Variants in KALRN observed in about 807,000 individuals in gnomAD.
KALRN encodes kalirin RhoGEF kinase, also known as kalirin.
Under a neutral mutation model 353.7 loss-of-function variants are expected in KALRN, and 70 were observed. The ratio of observed to expected loss-of-function variants is 0.20; its 90% confidence interval spans 0.16 to 0.24. The LOEUF is 0.24. Among genes scored for constraint, KALRN ranks in the 10% least tolerant of loss-of-function variants. The pLI is 1.00. For missense variants in KALRN, 2,791 were observed against 3,756.7 expected (o/e 0.74, Z 6.72); for synonymous variants, 1,391 against 1,434.8 (o/e 0.97, Z 0.69).
intron 9 of KALRN, among the ~76,000 whole-genome samples, chr3:124,341,843 G>T (rs2081758018): frequency 6.6e-6 from 1 of 152,202 alleles, no homozygotes; most frequent in Non-Finnish European, 1.5e-5. Context: ...ACGAGTTAAG[G>T]CTTTCCATAG....
At chr3:124,541,810 T>G (rs1479148135) in intron 33 of KALRN, among the ~76,000 whole-genome samples, 3 of 151,956 alleles carry the variant, frequency 2.0e-5, no homozygotes, top group Non-Finnish European at 4.4e-5. Context: ...GAGAATTGCT[T>G]GAACCCAGGA....
intron 1 of KALRN, among the ~76,000 whole-genome samples, chr3:124,156,783 G>T (rs770213663): frequency 1.6e-4 from 25 of 152,144 alleles, no homozygotes; most frequent in Non-Finnish European, 3.4e-4. Flanking sequence ...ATAAAACAAT[G>T]ACATGGAGTT....
chr3:124,600,450 C>T (rs574254511), intron 34 of KALRN, among the ~76,000 whole-genome samples: 1 of 152,272 alleles, frequency 6.6e-6, no homozygotes, highest in South Asian at 2.1e-4. Flanking sequence ...TCAATGGGTA[C>T]GTATTTCAAA....
chr3:124,220,051 TCTC>T (rs552281521), intron 1 of KALRN, among the ~76,000 whole-genome samples: 36 of 152,056 alleles, frequency 2.4e-4, no homozygotes, highest in Non-Finnish European at 4.0e-4. Context: ...TTCAAGCACT[TCTC>T]CTGCCTCAGC....
intron 11 of KALRN, 21 bp from the exon 12 acceptor site, chr3:124,395,114 A>G (rs2089987507): frequency 1.3e-6 from 2 of 1,595,304 alleles, no homozygotes; most frequent in African/African-American, 2.7e-5. Flanking sequence ...CCTGAGTGGA[A>G]TCTCTGCTCT....
chr3:124,622,430 TG>T (rs1009145984), intron 34 of KALRN, among the ~76,000 whole-genome samples: 2 of 152,234 alleles, frequency 1.3e-5, no homozygotes, highest in Non-Finnish European at 2.9e-5. Flanking sequence ...GACATGCCTT[TG>T]GGGTGTGCTT....
At chr3:124,406,875 A>C in intron 13 of KALRN, among the ~76,000 whole-genome samples, 1 of 132,372 alleles carries the variant, frequency 7.6e-6, no homozygotes, top group Non-Finnish European at 1.5e-5. Flanking sequence ...TCTGTCACCC[A>C]AGCTGGAGTG....
chr3:124,693,456 C>T (rs929174280), intron 51 of KALRN, among the ~76,000 whole-genome samples: 1 of 151,998 alleles, frequency 6.6e-6, no homozygotes, highest in East Asian at 1.9e-4. Context: ...GCATAATGAC[C>T]AAGAGAGTGG....
At chr3:124,687,246 A>G (rs964804736) in intron 51 of KALRN, among the ~76,000 whole-genome samples, 1 of 152,156 alleles carries the variant, frequency 6.6e-6, no homozygotes, top group Non-Finnish European at 1.5e-5. Context: ...ACATAAAGGC[A>G]TTATCCAAAG....
chr3:124,392,610 TC>T (rs2089578176), intron 11 of KALRN, among the ~76,000 whole-genome samples: 2 of 129,460 alleles, frequency 1.5e-5, no homozygotes, highest in Non-Finnish European at 3.4e-5. Context: ...TTTCTTTCTT[TC>T]TTTTTTTTTT....
intron 6 of KALRN, among the ~76,000 whole-genome samples, chr3:124,315,021 G>A (rs187027444): frequency 1.3e-5 from 2 of 152,284 alleles, no homozygotes; most frequent in African/African-American, 2.4e-5. Context: ...TTGAGGAGGA[G>A]CTATTCATAA....
intron 34 of KALRN, among the ~76,000 whole-genome samples, chr3:124,610,659 A>T (rs1317183639): frequency 1.3e-5 from 2 of 152,046 alleles, no homozygotes; most frequent in Admixed American, 6.6e-5. Flanking sequence ...TCCCTCCAGG[A>T]TCAGCAATAC....
chr3:124,458,028 C>T (rs2059494410), intron 23 of KALRN, among the ~76,000 whole-genome samples: 2 of 152,268 alleles, frequency 1.3e-5, no homozygotes, highest in African/African-American at 2.4e-5. Context: ...GTAATCCCAG[C>T]ACTTTGGGAG....
Position 124,455,341 on chromosome 3 carries a change from C to G in KALRN, c.3717C>G (p.Ala1239=), listed in dbSNP as rs2293149. The G allele has an allele frequency of 4.9e-5, 79 of 1,614,008 alleles. No individual in the cohort carries two copies. The East Asian group carries it at 1.8e-3, about 36-fold the overall frequency. ...AGTACCGATACTCACTGGAGAAAGCCCTAGGAGTCAACACAGAGGTAGGCA... is the reference window on the plus strand; with the variant it reads ...AGTACCGATACTCACTGGAGAAAGCGCTAGGAGTCAACACAGAGGTAGGCA... The part of the protein sequence containing the change: ...MGKYRYSLEK[A]LGVNTEDNKD... The change falls in exon 22 of 60, where the codon GCC becomes GCG. Residue 1239 remains alanine (A), a synonymous_variant. Coordinates refer to ENST00000682506, the MANE Select transcript of KALRN (RefSeq NM_001388419.1).
At position 124,650,838 on chromosome 3, in the gene KALRN, T is replaced by G; in HGVS notation, c.5695T>G (p.Leu1899Val). 1 of 1,613,912 alleles carries G rather than the reference T, an allele frequency of 6.2e-7. No homozygotes were observed. The highest frequency in any genetic ancestry group is 8.5e-7 in the Non-Finnish European group (1 of 1,179,834). The change falls in exon 38 of 60, where the codon TTG becomes GTG. Residue 1899 changes from leucine to valine, a missense_variant. Transcript: ENST00000682506. ...AGAAGGAAGCTCATACCGGGGGAGC[T>G]TGAAAGACCCTGCAGGCTGCCTGAA... ...SLEGSSYRGS[L>V]KDPAGCLNEG...
At chr3:124,330,909 G>T (rs150619462) in intron 8 of KALRN, among the ~76,000 whole-genome samples, 1 of 152,206 alleles carries the variant, frequency 6.6e-6, no homozygotes, top group African/African-American at 2.4e-5. Context: ...AGAATATCAA[G>T]AAGTGAGACC....
rs199637037 is a variant in KALRN, at chr3:124,562,974, G to A, written c.5067G>A (p.Leu1689=). 23 of 1,367,752 alleles carry A rather than the reference G, an allele frequency of 1.7e-5. No individual in the cohort carries two copies. Among genetic ancestry groups the A allele is most frequent in the Non-Finnish European group, 2.3e-5 (23 of 1,022,008 alleles). The allele number at this position is 1,367,752 out of a possible 1,614,324, so 84.7% of individuals were successfully genotyped here. ...ERPSERPGWC[L]VRTTERSPPL... ...CCAGCGAGCGGCCTGGTTGGTGTCT[G>A]GTCCGTACCACCGAACGGAGCCCGC... The change falls in exon 34 of 60, where the codon CTG becomes CTA. Residue 1689 remains leucine, a synonymous_variant. Coordinates refer to ENST00000682506, the MANE Select transcript of KALRN (RefSeq NM_001388419.1).
chr3:124,635,711 T>C (rs1250703533), intron 36 of KALRN, among the ~76,000 whole-genome samples: 2 of 152,196 alleles, frequency 1.3e-5, no homozygotes, highest in Non-Finnish European at 2.9e-5. Context: ...CTTTTTCTTA[T>C]GTGTGTACGT....
At chr3:124,398,374 A>C (rs1390514633) in intron 12 of KALRN, among the ~76,000 whole-genome samples, 1 of 152,126 alleles carries the variant, frequency 6.6e-6, no homozygotes, top group East Asian at 1.9e-4. Context: ...GAACCATTCC[A>C]TTTCTCTAAT....
Sources: allele counts gnomAD v4.1 joint callset (sites outside exome capture counted in the v4.1 genomes callset), GRCh38; gene constraint gnomAD v4.1.1; transcripts MANE v1.5; gene names NCBI Gene and HGNC (gene_info 2026-07-23, HGNC 2026-07-21).